The following NHSL1 variants were observed in gnomAD, a reference collection of about 807,000 sequenced individuals.
NHSL1 encodes the protein NHS like 1, also known as NHS-like protein 1.
In NHSL1, 48 loss-of-function variants were observed where a neutral mutation model predicts 95.0. That is an observed-to-expected ratio of 0.51 (90% CI 0.40 to 0.64). NHSL1 has a LOEUF of 0.64. Among genes scored for constraint, NHSL1 ranks in the 30% least tolerant of loss-of-function variants. The probability of loss-of-function intolerance (pLI) is 0.00; values close to 1 mark genes in which losing one functional copy is unlikely to be tolerated. For missense variants in NHSL1, 1,971 were observed against 2,077.7 expected (o/e 0.95, Z 1.00); for synonymous variants, 783 against 833.9 (o/e 0.94, Z 1.05).
At chr6:138,575,999 T>TTATG (rs1370664711), upstream of NHSL1, among the ~76,000 whole-genome samples, 1 of 150,344 alleles carries the variant, frequency 6.7e-6, no homozygotes, top group African/African-American at 2.4e-5. Context: ...ATTTATTTAT[T>TTATG]TATTTATTTT....
chr6:138,629,425 C>T (rs1367888092), intron 1 of NHSL1, among the ~76,000 whole-genome samples: 1 of 151,534 alleles, frequency 6.6e-6, no homozygotes, highest in East Asian at 1.9e-4. Flanking sequence ...TCTTGTTGCC[C>T]AGGCTGGAGT....
rs1554226359 is a variant in NHSL1 at position 138,454,190 on chromosome 6, C to CGT, written c.340-6999_340-6998dup. Among the ~76,000 whole-genome samples, 922 of 151,250 alleles carry CGT rather than the reference C, an allele frequency of 6.1e-3. 2 individuals are homozygous for CGT. Among genetic ancestry groups the CGT allele is most frequent in the African/African-American group, 0.02 (839 of 41,184 alleles). ...CTAATTACTCCTTGTTATATGTGTG[C>CGT]GTGTGTGTGTGTGCGTGCGTGCATA... On this transcript the variant is annotated intron_variant, in intron 3 of 7. Transcript: ENST00000343505.
At chr6:138,472,238 A>T (rs990810867) in intron 3 of NHSL1, among the ~76,000 whole-genome samples, 10 of 151,776 alleles carry the variant, frequency 6.6e-5, no homozygotes, top group Non-Finnish European at 1.5e-5. Context: ...TCATTTGAAG[A>T]TCAAAAATTT....
In NHSL1 at chr6:138,644,719, A is replaced by T. The variant is rs148337739; in HGVS notation, c.96+47757T>A. On this transcript the variant is annotated intron_variant, in intron 1 of 3. Transcript: ENST00000491526. ...ATAAGGAAATAGGGTGATAAGAAAC[A>T]AAATGAAGGAGACAAACGATAAATT... Among the ~76,000 whole-genome samples, 267 of 152,366 alleles carry T rather than the reference A, an allele frequency of 1.8e-3. 3 individuals are homozygous for T. Among genetic ancestry groups the T allele is most frequent in the East Asian group, 0.015 (76 of 5,190 alleles).
Position 138,424,372 on chromosome 6 carries a change from C to T in NHSL1, c.4530G>A (p.Arg1510=), listed in dbSNP as rs747163512. ...SRTPPSAASS[R]YSMRNRIQSS... is the part of the protein sequence containing the mutation. ...TCTGGATCCGGTTCCGCATGCTGTA[C>T]CTGCTGCTGGCGGCAGAAGGCGGCG... is the stretch of plus-strand genomic sequence containing the variant. Residue 1510 remains arginine (R), a synonymous_variant, in exon 8 of 8, where the codon AGG becomes AGA. Coordinates refer to ENST00000343505, the MANE Select transcript of NHSL1 (RefSeq NM_001144060.2). This position sits in a 1 kb window ranked among gnomAD's most constrained non-coding sequence, Gnocchi z 5.9. The T allele has an allele frequency of 7.1e-6, 11 of 1,549,434 alleles. No individual in the cohort carries two copies. The highest frequency in any genetic ancestry group is 2.4e-5 in the East Asian group (1 of 40,870).
Position 138,424,369 on chromosome 6 carries a change from G to A in NHSL1, c.4533C>T (p.Tyr1511=), listed in dbSNP as rs1286885197. The part of the protein sequence containing the change: ...RTPPSAASSR[Y]SMRNRIQSSP... ...TGCTCTGGATCCGGTTCCGCATGCT[G>A]TACCTGCTGCTGGCGGCAGAAGGCG... is the stretch of plus-strand genomic sequence containing the variant. The change falls in exon 8 of 8, where the codon TAC becomes TAT. Residue 1511 remains tyrosine (Y), a synonymous_variant. Transcript: ENST00000343505. The surrounding 1 kb of genome is among the most constrained non-coding windows in gnomAD (Gnocchi z 5.9). 1.3e-6 allele frequency: 2 copies of A among 1,549,410 alleles called. No individual in the cohort carries two copies.
chr6:138,511,682 T>G (rs1045355987), intron 1 of NHSL1, among the ~76,000 whole-genome samples: 19 of 152,106 alleles, frequency 1.2e-4, no homozygotes, highest in African/African-American at 4.6e-4. Flanking sequence ...ACGCCTGTAA[T>G]AACAGCACTT....
intron 1 of NHSL1, among the ~76,000 whole-genome samples, chr6:138,569,270 T>TGAGA (rs534927979): frequency 8.0e-5 from 12 of 149,584 alleles, no homozygotes; most frequent in South Asian, 2.1e-4. Flanking sequence ...TGTGTGTGTG[T>TGAGA]GAGAGAGAGA....
chr6:138,484,223 A>T (rs2128266925), intron 2 of NHSL1, among the ~76,000 whole-genome samples: 1 of 152,330 alleles, frequency 6.6e-6, no homozygotes, highest in East Asian at 1.9e-4. Context: ...GACAGAACAG[A>T]TGCCACAGGA....
upstream of NHSL1, among the ~76,000 whole-genome samples, chr6:138,546,427 C>CAAAAAAAAAAAAAAA (rs1177720465): frequency 1.6e-4 from 8 of 50,918 alleles, no homozygotes; most frequent in African/African-American, 4.4e-4. Context: ...CCCATCTCTA[C>CAAAAAAAAAAAAAAA]AAAAAAAAAA....
rs76808695 is a variant in NHSL1, at chr6:138,485,670, A to C, written c.211+10549T>G. On this transcript the variant is annotated intron_variant, in intron 2 of 7. Transcript: ENST00000343505. The stretch of plus-strand genomic sequence containing the variant: ...TCAAATTCAATAGGAGAAGTTAAAT[A>C]GCCCCTTTTTGTATATAATTCCCAT... 7.4e-4 allele frequency among the ~76,000 whole-genome samples: 112 copies of C among 152,270 alleles called. 2 individuals are homozygous for C. The East Asian group carries it at 0.02, about 28-fold the overall frequency.
At chr6:138,620,337 A>G (rs992319469) in intron 1 of NHSL1, among the ~76,000 whole-genome samples, 1 of 152,218 alleles carries the variant, frequency 6.6e-6, no homozygotes, top group African/African-American at 2.4e-5. Context: ...AAAAGTGTTT[A>G]TGAATGAAAC....
intron 1 of NHSL1, among the ~76,000 whole-genome samples, chr6:138,570,618 C>T (rs1002001680): frequency 3.3e-5 from 5 of 152,330 alleles, no homozygotes; most frequent in South Asian, 2.1e-4. Flanking sequence ...AAATAGTTTA[C>T]ACACACATTC....
At chr6:138,681,079 G>T (rs1165782769) in intron 1 of NHSL1, among the ~76,000 whole-genome samples, 2 of 152,074 alleles carry the variant, frequency 1.3e-5, no homozygotes, top group Non-Finnish European at 2.9e-5. Flanking sequence ...ACAACGAAAT[G>T]TAACTGAGAT....
At chr6:138,473,275 C>T in intron 3 of NHSL1, 31 bp downstream of exon 3, 1 of 1,505,994 alleles carries the variant, frequency 6.6e-7, no homozygotes, top group Non-Finnish European at 8.9e-7. Context: ...GGGACCCAAC[C>T]CAGGACCCCG....
chr6:138,542,831 A>G (rs1283995587), intron 1 of NHSL1, among the ~76,000 whole-genome samples: 1 of 152,182 alleles, frequency 6.6e-6, no homozygotes, highest in Non-Finnish European at 1.5e-5. Context: ...GGGCACAATC[A>G]TGACTCACTG....
chr6:138,690,099 T>G (rs1394794246), intron 1 of NHSL1, among the ~76,000 whole-genome samples: 1 of 152,236 alleles, frequency 6.6e-6, no homozygotes, highest in African/African-American at 2.4e-5. Context: ...CCTCTCTGGG[T>G]AAGAATTCAC....
intron 4 of NHSL1, among the ~76,000 whole-genome samples, chr6:138,445,974 C>G (rs906052608): frequency 6.6e-6 from 1 of 152,104 alleles, no homozygotes; most frequent in African/African-American, 2.4e-5. Context: ...TGTGCCCTCC[C>G]CAAACCACTA....
At chr6:138,559,388 G>C (rs190591021) in intron 1 of NHSL1, among the ~76,000 whole-genome samples, 1 of 152,204 alleles carries the variant, frequency 6.6e-6, no homozygotes, top group African/African-American at 2.4e-5. Flanking sequence ...GCAATCACTC[G>C]GTCCTGCTGC....
Sources: allele counts gnomAD v4.1 joint callset (sites outside exome capture counted in the v4.1 genomes callset), GRCh38; gene constraint gnomAD v4.1.1; non-coding constraint Gnocchi (gnomAD v3.1); transcripts MANE v1.5; gene names NCBI Gene and HGNC (gene_info 2026-07-23, HGNC 2026-07-21).